Variants in ADCY1 observed in about 807,000 individuals in gnomAD.
The protein encoded by ADCY1 is adenylate cyclase type 1.
ADCY1 carries 28 observed loss-of-function variants against 105.4 expected under a neutral mutation model. That is an observed-to-expected ratio of 0.27 (90% CI 0.20 to 0.36). The LOEUF (loss-of-function observed/expected upper bound fraction) is 0.36, where lower values mean the gene tolerates loss of function less well. Among genes scored for constraint, ADCY1 ranks in the 10% least tolerant of loss-of-function variants. The pLI, the probability that ADCY1 is intolerant of heterozygous loss-of-function variation, is 1.00. For synonymous variants in ADCY1, 655 were observed against 623.8 expected (o/e 1.05, Z -0.75); for missense variants, 977 against 1,434.2 (o/e 0.68, Z 5.15).
chr7:45,624,849 G>A (rs945647187), intron 4 of ADCY1, among the ~76,000 whole-genome samples: 9 of 152,244 alleles, frequency 5.9e-5, no homozygotes, highest in East Asian at 1.9e-4. Flanking sequence ...CTCTCTCACC[G>A]TGCTTGGAGC....
At chr7:45,574,218 G>A, upstream of ADCY1, 1 of 900,538 alleles carries the variant, frequency 1.1e-6, no homozygotes, top group African/African-American at 1.8e-5. The surrounding 1 kb of genome is among the most constrained non-coding windows in gnomAD (Gnocchi z 7.0). Context: ...TCCTCCGGCG[G>A]GCGGGAACGC....
At chr7:45,658,181 G>T (rs1228176432) in intron 6 of ADCY1, among the ~76,000 whole-genome samples, 1 of 152,248 alleles carries the variant, frequency 6.6e-6, no homozygotes, top group Non-Finnish European at 1.5e-5. Context: ...CCCATGGCAT[G>T]GTGCTGTCCT....
intron 4 of ADCY1, among the ~76,000 whole-genome samples, chr7:45,636,727 G>C (rs1221635595): frequency 1.3e-5 from 2 of 152,204 alleles, no homozygotes; most frequent in Non-Finnish European, 2.9e-5. Context: ...TTTTAGTAGA[G>C]AAGGGTGTTC....
intron 1 of ADCY1, among the ~76,000 whole-genome samples, chr7:45,581,076 C>A (rs1165186270): frequency 6.6e-6 from 1 of 152,186 alleles, no homozygotes; most frequent in Non-Finnish European, 1.5e-5. Context: ...GGTGACTCTT[C>A]TGGCATTTCA....
intron 8 of ADCY1, among the ~76,000 whole-genome samples, chr7:45,676,669 G>T (rs1784460257): frequency 6.6e-6 from 1 of 152,116 alleles, no homozygotes. Context: ...GACAATGCAA[G>T]TGGGAGCTCA....
At chr7:45,638,658 A>C (rs906858474) in intron 4 of ADCY1, among the ~76,000 whole-genome samples, 1 of 152,164 alleles carries the variant, frequency 6.6e-6, no homozygotes, top group Non-Finnish European at 1.5e-5. Flanking sequence ...GTTGTTGGAC[A>C]TGCAGGTGGC....
intron 5 of ADCY1, among the ~76,000 whole-genome samples, chr7:45,653,511 A>G (rs1794863729): frequency 6.6e-6 from 1 of 152,194 alleles, no homozygotes; most frequent in Non-Finnish European, 1.5e-5. Flanking sequence ...TCCACGTGTT[A>G]AGAGTCTTAG....
At chr7:45,590,177 G>A (rs1315034840) in intron 1 of ADCY1, among the ~76,000 whole-genome samples, 2 of 152,090 alleles carry the variant, frequency 1.3e-5, no homozygotes, top group Non-Finnish European at 2.9e-5. Context: ...GGGGAGGGTC[G>A]GTCATCTTGA....
In ADCY1 at chr7:45,708,306, C is replaced by T. The variant is rs1485954797; in HGVS notation, c.2818-44C>T. On this transcript the variant is annotated intron_variant, in intron 17 of 19. Coordinates refer to ENST00000297323, the MANE Select transcript of ADCY1 (RefSeq NM_021116.4). The surrounding 1 kb of genome is among the most constrained non-coding windows in gnomAD (Gnocchi z 4.7). Reference sequence around the variant, plus strand: ...CAGGTTGGTCCCTGGCCCCCTCTTGCCTTGCACTCCCCAGATGTAATGACC... The same window carrying T: ...CAGGTTGGTCCCTGGCCCCCTCTTGTCTTGCACTCCCCAGATGTAATGACC... 5 of 1,480,716 alleles carry T rather than the reference C, an allele frequency of 3.4e-6. No homozygotes were observed. The highest frequency in any genetic ancestry group is 4.7e-6 in the Non-Finnish European group (5 of 1,061,730). 91.7% of individuals were successfully genotyped at this position (1,480,716 alleles called of 1,614,324 possible). A position where few individuals can be genotyped will look rare whatever the true frequency, so the allele number is the denominator to read the frequency against.
At chr7:45,583,951 T>G (rs866006920) in intron 1 of ADCY1, among the ~76,000 whole-genome samples, 1 of 145,412 alleles carries the variant, frequency 6.9e-6, no homozygotes, top group Non-Finnish European at 1.5e-5. Flanking sequence ...TTTTTTTTTT[T>G]TTTTTTTTTT....
chr7:45,671,902 C>T (rs1269649281), intron 8 of ADCY1, among the ~76,000 whole-genome samples: 3 of 152,114 alleles, frequency 2.0e-5, no homozygotes, highest in Non-Finnish European at 2.9e-5. Flanking sequence ...ATCATCTCAA[C>T]AGGGTCTTCT....
In ADCY1 at chr7:45,678,038, A is replaced by G. The variant is rs779350746; in HGVS notation, c.1775A>G (p.Tyr592Cys). ...GACCTGAACTTCTTTACCCTGAAGT[A>G]CAAACATGTCGAACGGGAGCAAAAG... The part of the protein sequence containing the change: ...MADLNFFTLK[Y>C]KHVEREQKYH... The change falls in exon 9 of 20, where the codon TAC becomes TGC. Residue 592 changes from tyrosine (Y) to cysteine (C), a missense_variant. Physicochemically the swap from Tyr to Cys is radical, Grantham distance 194. Coordinates refer to ENST00000297323, the MANE Select transcript of ADCY1 (RefSeq NM_021116.4). 6.2e-7 allele frequency: 1 copy of G among 1,614,126 alleles called. No homozygotes were observed.
intron 7 of ADCY1, 27 bp downstream of exon 7, chr7:45,660,210 G>C (rs1371405510): frequency 1.2e-6 from 2 of 1,613,390 alleles, no homozygotes; most frequent in African/African-American, 2.7e-5. Flanking sequence ...CCCTCATTTG[G>C]TTGATCCTTA....
intron 2 of ADCY1, among the ~76,000 whole-genome samples, chr7:45,593,825 A>G (rs531000395): frequency 2.0e-5 from 3 of 152,392 alleles, no homozygotes; most frequent in Admixed American, 6.5e-5. Context: ...AATAGTTACA[A>G]TAAAAGTAGG....
intron 1 of ADCY1, among the ~76,000 whole-genome samples, chr7:45,588,416 T>C (rs1792798864): frequency 6.6e-6 from 1 of 152,270 alleles, no homozygotes; most frequent in African/African-American, 2.4e-5. Flanking sequence ...CCTGGCCTCC[T>C]CATGTCCTCG....
At chr7:45,619,347 C>A (rs757823039) in intron 3 of ADCY1, among the ~76,000 whole-genome samples, 1 of 151,946 alleles carries the variant, frequency 6.6e-6, no homozygotes, top group Non-Finnish European at 1.5e-5. Flanking sequence ...TTTTCAAGTA[C>A]GTAGAAGAGA....
chr7:45,687,017 C>T (rs1315367418), intron 14 of ADCY1, among the ~76,000 whole-genome samples: 1 of 152,170 alleles, frequency 6.6e-6, no homozygotes, highest in African/African-American at 2.4e-5. Flanking sequence ...TCAGCCTCTG[C>T]AGGGCTGGGC....
chr7:45,651,966 TA>T (rs983679125), intron 5 of ADCY1, among the ~76,000 whole-genome samples: 17 of 152,302 alleles, frequency 1.1e-4, no homozygotes, highest in Admixed American at 9.2e-4. Flanking sequence ...TGAGACTGGG[TA>T]ATTTAAGACG....
chr7:45,622,864 G>A, intron 4 of ADCY1, 121 bp downstream of exon 4: 1 of 762,880 alleles, frequency 1.3e-6, no homozygotes, highest in Non-Finnish European at 2.1e-6. Flanking sequence ...ATTTCTTCCA[G>A]CAAGGTTATA....
Sources: gnomAD v4.1 joint callset for allele counts (sites outside exome capture counted in the v4.1 genomes callset) on GRCh38, gnomAD v4.1.1 for gene constraint, Gnocchi (gnomAD v3.1) non-coding constraint, MANE v1.5 for transcripts, NCBI Gene and HGNC (gene_info 2026-07-23, HGNC 2026-07-21) for gene names.